CADPS2: variants seen among roughly 807,000 people sequenced by gnomAD.
CADPS2 encodes the protein calcium-dependent secretion activator 2.
CADPS2 carries 93 observed loss-of-function variants against 172.5 expected under a neutral mutation model. That is an observed-to-expected ratio of 0.54 (90% CI 0.46 to 0.64). The LOEUF is 0.64. Ranked by LOEUF, CADPS2 falls within the 30% of genes least tolerant of loss-of-function variation. The pLI, the probability that CADPS2 is intolerant of heterozygous loss-of-function variation, is 0.00. For synonymous variants in CADPS2, 546 were observed against 555.2 expected (o/e 0.98, Z 0.23); for missense variants, 1,420 against 1,565.9 (o/e 0.91, Z 1.57).
intron 3 of CADPS2, among the ~76,000 whole-genome samples, chr7:122,655,116 C>G (rs10248746): frequency 2.6e-5 from 4 of 152,062 alleles, no homozygotes; most frequent in Non-Finnish European, 5.9e-5. Context: ...TTCTTATGGA[C>G]GAACAAAGAA....
intron 2 of CADPS2, among the ~76,000 whole-genome samples, chr7:122,734,198 T>C (rs2091926542): frequency 6.7e-6 from 1 of 150,272 alleles, no homozygotes; most frequent in South Asian, 2.1e-4. Flanking sequence ...ATAATTATCT[T>C]GTTTATAAGA....
chr7:122,605,848 A>T (rs747061144), intron 6 of CADPS2, among the ~76,000 whole-genome samples: 1 of 152,120 alleles, frequency 6.6e-6, no homozygotes, highest in Non-Finnish European at 1.5e-5. Context: ...TAGTTCATGT[A>T]TCCATAGATT....
rs551562933 is a variant in CADPS2 at position 122,479,292 on chromosome 7, A to G, written c.1861+1560T>C. On this transcript the variant is annotated intron_variant, in intron 12 of 29. Coordinates refer to ENST00000449022, the MANE Select transcript of CADPS2 (RefSeq NM_017954.11). ...TGTTTAGGAGTTCACCTGTAGCTGC[A>G]TTTACCACTACTCACATCTGATTAT... is the stretch of plus-strand genomic sequence containing the variant. 1.6e-4 allele frequency among the ~76,000 whole-genome samples: 24 copies of G among 152,334 alleles called. No homozygotes were observed. The East Asian group carries it at 4.6e-3, about 29-fold the overall frequency.
chr7:122,427,952 C>A (rs1002002416), intron 17 of CADPS2, among the ~76,000 whole-genome samples: 2 of 152,080 alleles, frequency 1.3e-5, no homozygotes, highest in African/African-American at 4.8e-5. Flanking sequence ...TTGTGAGTTT[C>A]AAAATTTTCT....
chr7:122,813,354 T>C (rs1164417492), intron 1 of CADPS2, among the ~76,000 whole-genome samples: 2 of 152,128 alleles, frequency 1.3e-5, no homozygotes, highest in East Asian at 3.8e-4. Context: ...TTTAATTATA[T>C]GAACAACCTA....
At chr7:122,474,336 A>G (rs988398741) in intron 13 of CADPS2, 45 bp downstream of exon 13, 1 of 1,572,150 alleles carries the variant, frequency 6.4e-7, no homozygotes, top group African/African-American at 1.4e-5. Context: ...GGGATCTAAA[A>G]TCTTTTATTC....
At chr7:122,808,345 T>C (rs1799267375) in intron 1 of CADPS2, among the ~76,000 whole-genome samples, 1 of 152,248 alleles carries the variant, frequency 6.6e-6, no homozygotes, top group Non-Finnish European at 1.5e-5. Flanking sequence ...GAAAGTAAAA[T>C]GTGGTTTTGC....
chr7:122,343,913 T>A (rs941750980), intron 28 of CADPS2, among the ~76,000 whole-genome samples: 9 of 152,194 alleles, frequency 5.9e-5, no homozygotes, highest in African/African-American at 2.2e-4. Flanking sequence ...GCCAGCTGGA[T>A]GGATGATAAT....
intron 19 of CADPS2, among the ~76,000 whole-genome samples, chr7:122,410,617 C>T (rs1306186411): frequency 6.6e-6 from 1 of 152,046 alleles, no homozygotes; most frequent in East Asian, 1.9e-4. Context: ...TAGGCAATAA[C>T]AATACTTGCC....
At chr7:122,726,564 T>C (rs1425013620) in intron 2 of CADPS2, among the ~76,000 whole-genome samples, 1 of 151,922 alleles carries the variant, frequency 6.6e-6, no homozygotes, top group African/African-American at 2.4e-5. Flanking sequence ...AGAAGCTTAA[T>C]GATAAAAAGA....
intron 15 of CADPS2, among the ~76,000 whole-genome samples, chr7:122,444,589 T>G (rs189149158): frequency 6.6e-5 from 10 of 152,316 alleles, no homozygotes; most frequent in Admixed American, 5.2e-4. Context: ...TCTTTCCATA[T>G]GCCTTTTTGT....
intron 12 of CADPS2, among the ~76,000 whole-genome samples, chr7:122,479,595 A>T (rs1380742397): frequency 6.6e-6 from 1 of 152,194 alleles, no homozygotes; most frequent in African/African-American, 2.4e-5. Context: ...TCAAAACCTG[A>T]TATATGAATT....
intron 1 of CADPS2, among the ~76,000 whole-genome samples, chr7:122,788,133 G>A (rs1476995973): frequency 6.6e-6 from 1 of 152,160 alleles, no homozygotes; most frequent in Non-Finnish European, 1.5e-5. Flanking sequence ...CAGCTTCAGG[G>A]TTAATAGGAA....
intron 8 of CADPS2, among the ~76,000 whole-genome samples, chr7:122,543,610 A>G (rs2063320575): frequency 6.6e-6 from 1 of 152,130 alleles, no homozygotes; most frequent in Non-Finnish European, 1.5e-5. Flanking sequence ...GACAAATAGG[A>G]GGGTGGATGT....
At chr7:122,665,142 C>T (rs973111879) in intron 2 of CADPS2, among the ~76,000 whole-genome samples, 1 of 152,062 alleles carries the variant, frequency 6.6e-6, no homozygotes, top group Non-Finnish European at 1.5e-5. Flanking sequence ...GTGAAGTACT[C>T]CCAAGTTATG....
intron 1 of CADPS2, among the ~76,000 whole-genome samples, chr7:122,816,619 A>G (rs528635283): frequency 5.3e-5 from 8 of 152,222 alleles, no homozygotes; most frequent in Admixed American, 2.0e-4. Context: ...ACTGTTTTCC[A>G]TAATAGCTTT....
chr7:122,657,590 T>C (rs902489554), intron 3 of CADPS2, among the ~76,000 whole-genome samples: 7 of 152,160 alleles, frequency 4.6e-5, no homozygotes, highest in Admixed American at 3.9e-4. Flanking sequence ...AGGAGTTCAT[T>C]TGTGATTTGG....
rs773988255 is a variant in CADPS2, at chr7:122,393,418, C to T, written c.2888+23G>A. ...CAGGGTTGAAGAGGCAGGTGCTCTA[C>T]GGACACTAGGTAAGATACCTACTTG... On this transcript the variant is annotated intron_variant, in intron 21 of 29. Coordinates refer to ENST00000449022, the MANE Select transcript of CADPS2 (RefSeq NM_017954.11). 1.7e-5 allele frequency: 28 copies of T among 1,613,260 alleles called. No individual in the cohort carries two copies. In the Middle Eastern group the frequency reaches 4.9e-4, roughly 28 times the overall value.
At chr7:122,491,757 C>T (rs2058308580) in intron 9 of CADPS2, among the ~76,000 whole-genome samples, 1 of 152,132 alleles carries the variant, frequency 6.6e-6, no homozygotes, top group African/African-American at 2.4e-5. Context: ...AGCCTTCTTT[C>T]ACTTCATGGT....
Sources: gnomAD v4.1 joint callset for allele counts (sites outside exome capture counted in the v4.1 genomes callset) on GRCh38, gnomAD v4.1.1 for gene constraint, MANE v1.5 for transcripts, NCBI Gene and HGNC (gene_info 2026-07-23, HGNC 2026-07-21) for gene names.